Variants in PDZD2 observed in about 807,000 individuals in gnomAD.
PDZD2 encodes PDZ domain containing 2, also known as PDZ domain-containing protein 2.
PDZD2 carries 90 observed loss-of-function variants against 220.7 expected under a neutral mutation model. The ratio of observed to expected loss-of-function variants is 0.41; its 90% confidence interval spans 0.34 to 0.49. The LOEUF (loss-of-function observed/expected upper bound fraction) is 0.49. Among genes scored for constraint, PDZD2 ranks in the 20% least tolerant of loss-of-function variants. PDZD2 has a pLI of 0.28. For missense variants in PDZD2, 3,174 were observed against 3,608.5 expected, an observed-to-expected ratio of 0.88 and a Z score of 3.08; for synonymous variants, 1,375 against 1,450.5, an observed-to-expected ratio of 0.95 and a Z score of 1.18.
At chr5:31,967,288 G>T (rs1370517071) in intron 2 of PDZD2, among the ~76,000 whole-genome samples, 1 of 152,206 alleles carries the variant, frequency 6.6e-6, no homozygotes, top group African/African-American at 2.4e-5. Flanking sequence ...AGTGCCTTCT[G>T]AGATACATGG....
At chr5:31,677,860 C>T (rs1446846558) in intron 1 of PDZD2, among the ~76,000 whole-genome samples, 2 of 148,474 alleles carry the variant, frequency 1.3e-5, no homozygotes, top group African/African-American at 2.5e-5. Flanking sequence ...TTTAGGGGGT[C>T]GAATGGGGAT....
intron 19 of PDZD2, among the ~76,000 whole-genome samples, chr5:32,082,150 T>C (rs1437843534): frequency 4.0e-5 from 6 of 151,216 alleles, no homozygotes; most frequent in Non-Finnish European, 7.4e-5. Context: ...GCCTCCTGAG[T>C]AGCTTGGATT....
intron 1 of PDZD2, among the ~76,000 whole-genome samples, chr5:31,728,081 C>T (rs1044320747): frequency 3.3e-5 from 5 of 151,282 alleles, no homozygotes; most frequent in East Asian, 1.9e-4. Context: ...GCAAAGAAGT[C>T]GAAAATTTCT....
Position 32,098,481 on chromosome 5 carries a change from A to G in PDZD2, c.8065A>G (p.Lys2689Glu). 1 of 1,614,184 alleles carries G rather than the reference A, an allele frequency of 6.2e-7. No individual in the cohort carries two copies. The highest frequency in any genetic ancestry group is 8.5e-7 in the Non-Finnish European group (1 of 1,180,024). Residue 2689 changes from lysine to glutamate, a missense_variant, in exon 23 of 25, where the codon AAG becomes GAG. This residue lies in a region of PDZD2 where 631 missense variants were observed against 789.9 expected (regional missense o/e 0.80). Transcript: ENST00000438447. The surrounding 1 kb of genome is among the most constrained non-coding windows in gnomAD (Gnocchi z 4.1). ...TGGCTTAGCCCACGGGAATGTCCTG[A>G]AGGTTCTGCACCAGGCACAGCTGCA... ...LAGLAHGNVL[K>E]VLHQAQLHKD...
rs72212182 is a variant in PDZD2 at position 31,712,451 on chromosome 5, CCTCTCTCTCTCTCT to C, written c.-361+73032_-361+73045del. Among the ~76,000 whole-genome samples the C allele has an allele frequency of 1.2e-3, 161 of 131,450 alleles. 1 individual carries two copies. The highest frequency in any genetic ancestry group is 1.8e-3 in the Non-Finnish European group (108 of 59,664). The allele number at this position is 131,450 out of a possible 152,430, so 86.2% of individuals were successfully genotyped here. ...TGGGGCACTGGGATGGCTGGGCCTG[CCTCTCTCTCTCTCT>C]CTCTCTCTCTCTCTCTCCCCCTCTC... On this transcript the variant is annotated intron_variant, in intron 1 of 24. Transcript: ENST00000438447.
chr5:31,952,586 C>T (rs1747277877), intron 2 of PDZD2, among the ~76,000 whole-genome samples: 1 of 152,182 alleles, frequency 6.6e-6, no homozygotes, highest in African/African-American at 2.4e-5. Flanking sequence ...GTTCCTGTAG[C>T]TAATAAATGG....
At chr5:32,046,350 C>A (rs1737960812) in intron 7 of PDZD2, among the ~76,000 whole-genome samples, 1 of 152,118 alleles carries the variant, frequency 6.6e-6, no homozygotes, top group Non-Finnish European at 1.5e-5. Context: ...TCAAGCAATT[C>A]TCTGGCCTCA....
intron 2 of PDZD2, among the ~76,000 whole-genome samples, chr5:31,938,719 C>T (rs1228647980): frequency 6.6e-6 from 1 of 152,084 alleles, no homozygotes; most frequent in Non-Finnish European, 1.5e-5. Flanking sequence ...ACCATGTTTT[C>T]TCATATTTAG....
intron 2 of PDZD2, among the ~76,000 whole-genome samples, chr5:31,817,103 G>A (rs1177441341): frequency 6.6e-6 from 1 of 150,650 alleles, no homozygotes; most frequent in Non-Finnish European, 1.5e-5. Flanking sequence ...GGAGAATGGC[G>A]TGAACCCAGG....
At chr5:32,018,525 C>T (rs1374735333) in intron 6 of PDZD2, among the ~76,000 whole-genome samples, 5 of 152,234 alleles carry the variant, frequency 3.3e-5, no homozygotes, top group Admixed American at 3.3e-4. Context: ...CTGGCTTGCA[C>T]ATCATTGTTC....
At chr5:31,658,542 C>T (rs29749) in intron 1 of PDZD2, among the ~76,000 whole-genome samples, 50,358 of 151,984 alleles carry the variant, frequency 0.33, 9,636 homozygotes, top group East Asian at 0.65. Context: ...AAACCTCCCC[C>T]TTCTTTAACT....
chr5:32,013,888 C>T (rs1350891217), intron 6 of PDZD2, among the ~76,000 whole-genome samples: 1 of 152,162 alleles, frequency 6.6e-6, no homozygotes. Context: ...CATTTCTCAG[C>T]CCTCTCTTGA....
At chr5:32,104,932 C>G (rs780404440) in intron 24 of PDZD2, among the ~76,000 whole-genome samples, 1 of 151,818 alleles carries the variant, frequency 6.6e-6, no homozygotes, top group Non-Finnish European at 1.5e-5. Context: ...CCCAGGAGTT[C>G]AAGACCGGTC....
chr5:31,709,999 T>G (rs1748012989), intron 1 of PDZD2, among the ~76,000 whole-genome samples: 1 of 152,116 alleles, frequency 6.6e-6, no homozygotes, highest in South Asian at 2.1e-4. Flanking sequence ...AAAAACTGGT[T>G]GAAAAGGAGC....
At position 31,826,241 on chromosome 5, in the gene PDZD2, G is replaced by T. The variant is rs113570904; in HGVS notation, c.476+26517G>T. Among the ~76,000 whole-genome samples, 1,269 of 152,212 alleles carry T rather than the reference G, an allele frequency of 8.3e-3. 20 individuals carry two copies. The highest frequency in any genetic ancestry group is 0.029 in the African/African-American group (1,201 of 41,516). On this transcript the variant is annotated intron_variant, in intron 2 of 24. Coordinates refer to ENST00000438447, the MANE Select transcript of PDZD2 (RefSeq NM_178140.4). Reference sequence around the variant, plus strand: ...GCTAGGGAGTGGGAGCTGCTCCACAGGGAAGAAGTTTTTGTTCTCTACCTT... The same window carrying T: ...GCTAGGGAGTGGGAGCTGCTCCACATGGAAGAAGTTTTTGTTCTCTACCTT...
chr5:31,790,853 C>A (rs1027553505), intron 1 of PDZD2, among the ~76,000 whole-genome samples: 1 of 151,808 alleles, frequency 6.6e-6, no homozygotes, highest in Admixed American at 6.6e-5. Flanking sequence ...CACCCACCAC[C>A]GCACCCAGCT....
intron 8 of PDZD2, among the ~76,000 whole-genome samples, chr5:32,052,275 A>C (rs920367453): frequency 6.6e-6 from 1 of 152,156 alleles, no homozygotes; most frequent in Non-Finnish European, 1.5e-5. Context: ...CCTCCTGAGT[A>C]GCTGGGACTG....
chr5:31,794,153 C>A (rs939279155), intron 1 of PDZD2, among the ~76,000 whole-genome samples: 1 of 152,128 alleles, frequency 6.6e-6, no homozygotes, highest in African/African-American at 2.4e-5. Flanking sequence ...CAATTTCAAT[C>A]TCTCAAATGT....
Position 32,009,909 on chromosome 5 carries a change from C to T in PDZD2, c.1255-421C>T, listed in dbSNP as rs553984222. Among the ~76,000 whole-genome samples the T allele has an allele frequency of 1.4e-4, 22 of 151,896 alleles. No homozygotes were observed. In the South Asian group the frequency reaches 1.5e-3, roughly 10 times the overall value. On this transcript the variant is annotated intron_variant, in intron 5 of 24. Transcript: ENST00000438447. ...CAGTTCGAGACCAGCCTGACCAACACGGTGAAACCCCATCTCTATTAAAAA... is the reference window on the plus strand; with the variant it reads ...CAGTTCGAGACCAGCCTGACCAACATGGTGAAACCCCATCTCTATTAAAAA...
Sources: gnomAD v4.1 joint callset for allele counts (sites outside exome capture counted in the v4.1 genomes callset) on GRCh38, gnomAD v4.1.1 for gene constraint, gnomAD v4.1.1 regional missense constraint, Gnocchi (gnomAD v3.1) non-coding constraint, MANE v1.5 for transcripts, NCBI Gene and HGNC (gene_info 2026-07-23, HGNC 2026-07-21) for gene names.